GRM7: variants seen among roughly 807,000 people sequenced by gnomAD.
GRM7 encodes glutamate metabotropic receptor 7, also known as metabotropic glutamate receptor 7.
GRM7 carries 35 observed loss-of-function variants against 84.5 expected under a neutral mutation model. The ratio of observed to expected loss-of-function variants is 0.41; its 90% CI spans 0.32 to 0.55. GRM7 has a LOEUF of 0.55. Among genes scored for constraint, GRM7 ranks in the 20% least tolerant of loss-of-function variants. The pLI is 0.19. For synonymous variants in GRM7, 487 were observed against 455.1 expected (o/e 1.07, Z -0.89); for missense variants, 1,003 against 1,194.6 (o/e 0.84, Z 2.36).
intron 7 of GRM7, among the ~76,000 whole-genome samples, chr3:7,470,117 C>G (rs376040261): frequency 6.6e-6 from 1 of 152,210 alleles, no homozygotes; most frequent in Non-Finnish European, 1.5e-5. Flanking sequence ...TCCTACCACT[C>G]TCTTACATAA....
At chr3:7,470,321 T>C (rs1359649034) in intron 7 of GRM7, among the ~76,000 whole-genome samples, 2 of 152,210 alleles carry the variant, frequency 1.3e-5, no homozygotes, top group Non-Finnish European at 2.9e-5. Context: ...TTCCATAATA[T>C]GTAATAATAC....
intron 1 of GRM7, among the ~76,000 whole-genome samples, chr3:6,950,635 C>T (rs1363386546): frequency 6.6e-6 from 1 of 152,152 alleles, no homozygotes; most frequent in Non-Finnish European, 1.5e-5. Context: ...TTTTGTTTGT[C>T]TGTGCCCTGC....
At chr3:6,929,404 T>G (rs891977153) in intron 1 of GRM7, among the ~76,000 whole-genome samples, 16 of 152,140 alleles carry the variant, frequency 1.1e-4, no homozygotes, top group African/African-American at 3.9e-4. Context: ...TAACTCAGAA[T>G]CCAGAAACTA....
chr3:7,243,718 C>G (rs1433324781), intron 2 of GRM7, among the ~76,000 whole-genome samples: 1 of 152,082 alleles, frequency 6.6e-6, no homozygotes, highest in Non-Finnish European at 1.5e-5. Flanking sequence ...TTCTAAGAGA[C>G]ACATCATTAG....
At chr3:7,114,117 G>T (rs17046794) in intron 1 of GRM7, among the ~76,000 whole-genome samples, 3,731 of 152,206 alleles carry the variant, frequency 0.025, 154 homozygotes, top group African/African-American at 0.086. Context: ...TGACTTAATG[G>T]AGATAAAGCT....
intron 8 of GRM7, among the ~76,000 whole-genome samples, chr3:7,666,289 A>C (rs1699697688): frequency 6.6e-6 from 1 of 152,208 alleles, no homozygotes; most frequent in South Asian, 2.1e-4. Flanking sequence ...AATAATATAC[A>C]CTAAGTCCTT....
intron 5 of GRM7, among the ~76,000 whole-genome samples, chr3:7,435,679 GTTTTTTTTTT>G (rs71066011): frequency 0.4 from 35,943 of 88,934 alleles, 6,416 homozygotes; most frequent in Non-Finnish European, 0.48. Context: ...CATCCGGCTA[GTTTTTTTTTT>G]TTTTTTTTTT....
intron 2 of GRM7, among the ~76,000 whole-genome samples, chr3:7,266,308 T>A (rs909427313): frequency 2.0e-5 from 3 of 152,212 alleles, no homozygotes. Flanking sequence ...AAAGAAAGCA[T>A]TGAGTTTGAA....
At chr3:7,254,404 T>G (rs1229757555) in intron 2 of GRM7, among the ~76,000 whole-genome samples, 6 of 152,216 alleles carry the variant, frequency 3.9e-5, no homozygotes, top group African/African-American at 1.4e-4. Context: ...CACTCAGAAT[T>G]GTGGCTCCCA....
chr3:6,938,298 A>G (rs1697760470), intron 1 of GRM7, among the ~76,000 whole-genome samples: 1 of 152,202 alleles, frequency 6.6e-6, no homozygotes, highest in African/African-American at 2.4e-5. Flanking sequence ...CACATTTGAC[A>G]AATAAAATTC....
At chr3:7,068,923 T>C (rs765810665) in intron 1 of GRM7, among the ~76,000 whole-genome samples, 1 of 151,942 alleles carries the variant, frequency 6.6e-6, no homozygotes, top group Non-Finnish European at 1.5e-5. Flanking sequence ...TTTATGTAAC[T>C]ATTTCTTTAC....
At chr3:6,871,927 A>T (rs965953468) in intron 1 of GRM7, among the ~76,000 whole-genome samples, 1 of 151,936 alleles carries the variant, frequency 6.6e-6, no homozygotes, top group Non-Finnish European at 1.5e-5. Context: ...AATTAAGATT[A>T]AAAAAAATCC....
chr3:7,541,177 C>CT (rs1012511179), intron 7 of GRM7, among the ~76,000 whole-genome samples: 1 of 151,716 alleles, frequency 6.6e-6, no homozygotes, highest in Non-Finnish European at 1.5e-5. Context: ...TCATAGTGTA[C>CT]TTTTTTTTGC....
At chr3:7,409,395 A>G (rs1172825960) in intron 4 of GRM7, among the ~76,000 whole-genome samples, 1 of 150,076 alleles carries the variant, frequency 6.7e-6, no homozygotes, top group Non-Finnish European at 1.5e-5. Context: ...ATAAATGGAA[A>G]GATATCACTT....
chr3:7,547,685 T>C (rs2125022104), intron 7 of GRM7, among the ~76,000 whole-genome samples: 1 of 152,310 alleles, frequency 6.6e-6, no homozygotes, highest in Non-Finnish European at 1.5e-5. Context: ...AATTCCAGTA[T>C]GTAGCAAAAT....
intron 1 of GRM7, among the ~76,000 whole-genome samples, chr3:7,090,222 A>C (rs1698614683): frequency 6.6e-6 from 1 of 152,356 alleles, no homozygotes; most frequent in African/African-American, 2.4e-5. Flanking sequence ...TGTGGTAAGT[A>C]GAATTTGAGA....
At chr3:7,198,532 AT>A (rs1290789774) in intron 2 of GRM7, among the ~76,000 whole-genome samples, 1 of 152,136 alleles carries the variant, frequency 6.6e-6, no homozygotes, top group Admixed American at 6.5e-5. Context: ...AAGTCTGAAA[AT>A]ATCTTAAGTC....
intron 4 of GRM7, among the ~76,000 whole-genome samples, chr3:7,408,989 A>G (rs933786112): frequency 6.6e-6 from 1 of 152,158 alleles, no homozygotes; most frequent in African/African-American, 2.4e-5. Flanking sequence ...TTGAAATACT[A>G]CCTTTATTCT....
chr3:7,464,488 A>G (rs560351205), intron 7 of GRM7, among the ~76,000 whole-genome samples: 5 of 152,250 alleles, frequency 3.3e-5, no homozygotes, highest in African/African-American at 1.2e-4. Context: ...TTACAAAGAG[A>G]GATAAGAGAA....
Sources: gnomAD v4.1 joint callset for allele counts (sites outside exome capture counted in the v4.1 genomes callset) on GRCh38, gnomAD v4.1.1 for gene constraint, MANE v1.5 for transcripts, NCBI Gene and HGNC (gene_info 2026-07-23, HGNC 2026-07-21) for gene names.